Variants in GPR158 observed in about 807,000 individuals in gnomAD.
The protein encoded by GPR158 is G protein-coupled receptor 158.
GPR158 carries 30 observed loss-of-function variants against 78.2 expected under a neutral mutation model. That is an observed-to-expected ratio of 0.38 (90% CI 0.29 to 0.52). The LOEUF (loss-of-function observed/expected upper bound fraction) is 0.52. GPR158 is among the 20% of genes least tolerant of loss of function. The pLI, the probability that GPR158 is intolerant of heterozygous loss-of-function variation, is 0.83. For synonymous variants in GPR158, 581 were observed against 591.1 expected, an observed-to-expected ratio of 0.98 and a Z score of 0.25; for missense variants, 1,463 against 1,523.5, an observed-to-expected ratio of 0.96 and a Z score of 0.66.
intron 4 of GPR158, among the ~76,000 whole-genome samples, chr10:25,430,136 T>G (rs947041661): frequency 5.9e-5 from 9 of 151,822 alleles, no homozygotes; most frequent in East Asian, 1.9e-4. Context: ...CAAAATCTCC[T>G]TAAGCTGATA....
chr10:25,551,464 C>T (rs952161278), intron 6 of GPR158, among the ~76,000 whole-genome samples: 1 of 152,156 alleles, frequency 6.6e-6, no homozygotes, highest in Non-Finnish European at 1.5e-5. Flanking sequence ...ACTTATTTGA[C>T]AAAAACTACC....
intron 1 of GPR158, among the ~76,000 whole-genome samples, chr10:25,195,283 G>T (rs1411105157): frequency 2.0e-5 from 3 of 151,538 alleles, no homozygotes; most frequent in Non-Finnish European, 4.4e-5. Context: ...TTGGCTCACT[G>T]CAACCTCCTC....
chr10:25,383,459 A>G (rs1754255), intron 2 of GPR158, among the ~76,000 whole-genome samples: 98,002 of 151,980 alleles, frequency 0.64, 32,571 homozygotes, highest in Non-Finnish European at 0.73. Flanking sequence ...TTTCCACTGC[A>G]GAGACTTACC....
intron 1 of GPR158, among the ~76,000 whole-genome samples, chr10:25,197,056 TC>T (rs1852853748): frequency 6.6e-6 from 1 of 152,200 alleles, no homozygotes; most frequent in Non-Finnish European, 1.5e-5. Flanking sequence ...GTACTTCTCC[TC>T]ACTGTACTTG....
At chr10:25,325,352 T>C (rs1246063045) in intron 2 of GPR158, among the ~76,000 whole-genome samples, 1 of 152,176 alleles carries the variant, frequency 6.6e-6, no homozygotes, top group Non-Finnish European at 1.5e-5. Context: ...CCAGGTCCAT[T>C]CATATTCTTG....
chr10:25,592,657 T>C (rs1046379712), intron 8 of GPR158, among the ~76,000 whole-genome samples: 2 of 152,040 alleles, frequency 1.3e-5, no homozygotes, highest in African/African-American at 4.8e-5. Flanking sequence ...TATTTTAAAT[T>C]ATGTGCAAGC....
At chr10:25,297,623 G>A (rs922980346) in intron 2 of GPR158, among the ~76,000 whole-genome samples, 3 of 152,090 alleles carry the variant, frequency 2.0e-5, no homozygotes, top group African/African-American at 2.4e-5. Context: ...CATCTCCCAC[G>A]TACGTTGAAT....
Position 25,175,236 on chromosome 10 carries a change from C to T in GPR158, c.-185C>T, listed in dbSNP as rs1014648295. On this transcript the variant is annotated 5_prime_UTR_variant, in exon 1 of 11. Coordinates refer to ENST00000376351, the MANE Select transcript of GPR158 (RefSeq NM_020752.3). The surrounding 1 kb of genome is among the most constrained non-coding windows in gnomAD (Gnocchi z 6.4). ...GCTGCCACAGGTGACTTGATTTCTG[C>T]GACGGTAGCTTAGCCACCCGGGGCC... 2.5e-5 allele frequency: 13 copies of T among 521,450 alleles called. No individual in the cohort carries two copies. Among genetic ancestry groups the T allele is most frequent in the Non-Finnish European group, 4.0e-5 (12 of 297,730 alleles). The allele number at this position is 521,450 out of a possible 1,614,324, so 32.3% of individuals were successfully genotyped here.
chr10:25,516,174 A>T (rs1448403625), intron 5 of GPR158, among the ~76,000 whole-genome samples: 1 of 151,880 alleles, frequency 6.6e-6, no homozygotes, highest in Non-Finnish European at 1.5e-5. Context: ...TCTTCTTTTG[A>T]GAAGTGTCTG....
At chr10:25,517,767 A>G (rs1350365080) in intron 5 of GPR158, among the ~76,000 whole-genome samples, 2 of 151,644 alleles carry the variant, frequency 1.3e-5, no homozygotes, top group South Asian at 2.1e-4. Context: ...TGCTGGATTC[A>G]GTTTGCCAGT....
chr10:25,483,105 G>C (rs1346680757), intron 5 of GPR158, among the ~76,000 whole-genome samples: 1 of 151,460 alleles, frequency 6.6e-6, no homozygotes, highest in Non-Finnish European at 1.5e-5. Flanking sequence ...CTCCACTCTT[G>C]GCCTATTATA....
At chr10:25,340,668 T>C (rs1855289998) in intron 2 of GPR158, among the ~76,000 whole-genome samples, 1 of 152,012 alleles carries the variant, frequency 6.6e-6, no homozygotes, top group African/African-American at 2.4e-5. Context: ...CAGAAGAAAC[T>C]ATTTACTAGG....
chr10:25,585,959 A>T (rs1401503840), intron 7 of GPR158, among the ~76,000 whole-genome samples: 12 of 152,168 alleles, frequency 7.9e-5, no homozygotes, highest in African/African-American at 2.9e-4. Flanking sequence ...AGCCTGGGTG[A>T]CAGACCAAGA....
At chr10:25,305,255 G>A (rs1854655813) in intron 2 of GPR158, among the ~76,000 whole-genome samples, 1 of 152,166 alleles carries the variant, frequency 6.6e-6, no homozygotes, top group Non-Finnish European at 1.5e-5. Flanking sequence ...TTTCCCAAAG[G>A]ATTCCTTCCC....
At chr10:25,479,998 C>A (rs932616486) in intron 5 of GPR158, among the ~76,000 whole-genome samples, 3 of 151,988 alleles carry the variant, frequency 2.0e-5, no homozygotes, top group African/African-American at 7.2e-5. Flanking sequence ...ATTTCTGTGA[C>A]CTCTCCAATG....
chr10:25,229,613 G>T (rs1255552765), intron 2 of GPR158, among the ~76,000 whole-genome samples: 3 of 152,024 alleles, frequency 2.0e-5, no homozygotes, highest in African/African-American at 7.2e-5. Context: ...AATAGTATTT[G>T]GTAAAACTGG....
At position 25,412,343 on chromosome 10, in the gene GPR158, G is replaced by T; in HGVS notation, c.1205G>T (p.Cys402Phe). 3.1e-6 allele frequency: 5 copies of T among 1,613,688 alleles called. No homozygotes were observed. Among genetic ancestry groups the T allele is most frequent in the Non-Finnish European group, 4.2e-6 (5 of 1,179,540 alleles). Residue 402 changes from cysteine to phenylalanine, a missense_variant, in exon 4 of 11, where the codon TGT becomes TTT. Cys to Phe is a radical substitution (Grantham distance 205). Coordinates refer to ENST00000376351, the MANE Select transcript of GPR158 (RefSeq NM_020752.3). ...CCTTGCAGGGAGGGCTGCCCCTTCT[G>T]TGCTGATGACAGCCCATGCTTCGTC... ...CLPCREGCPFCADDSPCFVQE... is the reference protein window; with the variant it reads ...CLPCREGCPFFADDSPCFVQE...
intron 1 of GPR158, among the ~76,000 whole-genome samples, chr10:25,209,908 G>A (rs1853104494): frequency 6.6e-6 from 1 of 152,162 alleles, no homozygotes; most frequent in Admixed American, 6.5e-5. Flanking sequence ...TGTGTTCTTG[G>A]TGCTCTTGTA....
chr10:25,586,575 T>A (rs561571189), intron 7 of GPR158, among the ~76,000 whole-genome samples: 2 of 151,728 alleles, frequency 1.3e-5, no homozygotes, highest in South Asian at 2.1e-4. Context: ...GCTAATTTTT[T>A]AAATTTTTTT....
Sources: gnomAD v4.1 joint callset for allele counts (sites outside exome capture counted in the v4.1 genomes callset) on GRCh38, gnomAD v4.1.1 for gene constraint, Gnocchi (gnomAD v3.1) non-coding constraint, MANE v1.5 for transcripts, NCBI Gene and HGNC (gene_info 2026-07-23, HGNC 2026-07-21) for gene names.